MACROD2: variants seen among roughly 807,000 people sequenced by gnomAD.
MACROD2 encodes the protein mono-ADP ribosylhydrolase 2.
Under a neutral mutation model 70.4 loss-of-function variants are expected in MACROD2, and 36 were observed. That is an observed-to-expected ratio of 0.51 (90% CI 0.39 to 0.68). MACROD2 has a LOEUF of 0.68. Among genes scored for constraint, MACROD2 ranks in the 30% least tolerant of loss-of-function variants. The pLI is 0.00. For missense variants in MACROD2, 496 were observed against 538.4 expected, an observed-to-expected ratio of 0.92 and a Z score of 0.78; for synonymous variants, 172 against 178.8, an observed-to-expected ratio of 0.96 and a Z score of 0.30.
intron 4 of MACROD2, among the ~76,000 whole-genome samples, chr20:14,645,759 G>T (rs975441848): frequency 6.6e-6 from 1 of 151,876 alleles, no homozygotes; most frequent in African/African-American, 2.4e-5. Context: ...AAAGTACGTG[G>T]TGCTCAAGAT....
intron 15 of MACROD2, among the ~76,000 whole-genome samples, chr20:16,016,079 G>T (rs1219003243): frequency 6.6e-6 from 1 of 152,040 alleles, no homozygotes. Flanking sequence ...ATCCAATCAG[G>T]ACTAAAAATA....
In MACROD2 at chr20:14,518,273, A is replaced by G. The variant is rs533827579; in HGVS notation, c.301+24765A>G. ...CTGACTTTTTTATATGTATATTTGA[A>G]TCCAGCTACTGTATTTAATTATCTA... is the stretch of plus-strand genomic sequence containing the variant. On this transcript the variant is annotated intron_variant, in intron 4 of 17. Coordinates refer to ENST00000684519, the MANE Select transcript of MACROD2 (RefSeq NM_001351661.2). Among the ~76,000 whole-genome samples, 5 of 152,102 alleles carry G rather than the reference A, an allele frequency of 3.3e-5. No homozygotes were observed. In the East Asian group the frequency reaches 9.7e-4, roughly 29 times the overall value.
chr20:13,996,364 G>C (rs920746009), intron 1 of MACROD2: 6 of 160,920 alleles, frequency 3.7e-5, no homozygotes, highest in African/African-American at 1.2e-4. Flanking sequence ...CTTCGCTGCC[G>C]CAGCGTGACT....
intron 8 of MACROD2, among the ~76,000 whole-genome samples, chr20:15,563,177 A>G (rs2048267585): frequency 6.6e-6 from 1 of 152,276 alleles, no homozygotes; most frequent in South Asian, 2.1e-4. Flanking sequence ...GGTAACAAAG[A>G]ACTAGAAAGA....
intron 5 of MACROD2, among the ~76,000 whole-genome samples, chr20:15,221,267 A>T (rs1198896219): frequency 6.6e-6 from 1 of 152,082 alleles, no homozygotes; most frequent in African/African-American, 2.4e-5. Flanking sequence ...AAACAGTCAT[A>T]TTGTCTATTT....
At chr20:14,138,763 CCACACACACACACACACACA>C (rs11469437) in intron 3 of MACROD2, among the ~76,000 whole-genome samples, 1 of 147,034 alleles carries the variant, frequency 6.8e-6, no homozygotes, top group African/African-American at 2.5e-5. Flanking sequence ...CTTAAGTTTT[CCACACACACACACACACACA>C]CACACACACA....
chr20:15,407,794 A>G (rs764828275), intron 6 of MACROD2, among the ~76,000 whole-genome samples: 11 of 152,240 alleles, frequency 7.2e-5, no homozygotes, highest in Non-Finnish European at 1.2e-4. Flanking sequence ...TAAGTGCTCA[A>G]TAAGGTCAGG....
chr20:14,836,258 C>T (rs956684558), intron 5 of MACROD2, among the ~76,000 whole-genome samples: 3 of 152,084 alleles, frequency 2.0e-5, no homozygotes, highest in Non-Finnish European at 4.4e-5. Flanking sequence ...CCAAGAGAGA[C>T]TAATGTATGC....
chr20:15,405,404 CTG>C (rs2045986853), intron 6 of MACROD2, among the ~76,000 whole-genome samples: 1 of 152,190 alleles, frequency 6.6e-6, no homozygotes, highest in Admixed American at 6.5e-5. Flanking sequence ...ATAACTCATA[CTG>C]CGCAGAGGGG....
chr20:14,206,491 A>C (rs2148751567), intron 3 of MACROD2, among the ~76,000 whole-genome samples: 1 of 152,330 alleles, frequency 6.6e-6, no homozygotes, highest in South Asian at 2.1e-4. Flanking sequence ...CTAAGTGCTC[A>C]AAAAACAGTC....
At chr20:14,935,481 C>A (rs1406638484) in intron 5 of MACROD2, 1 of 152,016 alleles carries the variant, frequency 6.6e-6, no homozygotes, top group African/African-American at 2.4e-5. Context: ...CCCAGGCAAC[C>A]CTAATGTAGC....
rs540634964 is a variant in MACROD2 at position 15,104,403 on chromosome 20, G to A, written c.419-125537G>A. 8.5e-5 allele frequency among the ~76,000 whole-genome samples: 13 copies of A among 152,224 alleles called. 1 individual carries two copies. The highest frequency in any genetic ancestry group is 4.1e-4 in the South Asian group (2 of 4,828). ...GGTCCTGTTTTCAGGACTTCCAGCC[G>A]TGAGGTAGAAAGTGCTTTAACGTAT... On this transcript the variant is annotated intron_variant, in intron 5 of 17. Transcript: ENST00000684519.
chr20:15,388,882 G>A (rs1442184121), intron 6 of MACROD2, among the ~76,000 whole-genome samples: 2 of 152,114 alleles, frequency 1.3e-5, no homozygotes, highest in Non-Finnish European at 2.9e-5. Context: ...GAGGAAAACT[G>A]GTATCCAAGG....
chr20:15,081,471 A>C (rs933530981), intron 5 of MACROD2, among the ~76,000 whole-genome samples: 4 of 152,142 alleles, frequency 2.6e-5, no homozygotes. Flanking sequence ...TGAATTCAGA[A>C]CTCAGTCTTG....
intron 3 of MACROD2, among the ~76,000 whole-genome samples, chr20:14,173,776 G>A (rs1038618118): frequency 6.6e-6 from 1 of 152,076 alleles, no homozygotes; most frequent in Non-Finnish European, 1.5e-5. Flanking sequence ...AGGGCTCAAG[G>A]GCTGCTGTTC....
chr20:15,316,475 G>C (rs1600233404), intron 6 of MACROD2, among the ~76,000 whole-genome samples: 1 of 152,014 alleles, frequency 6.6e-6, no homozygotes, highest in African/African-American at 2.4e-5. Flanking sequence ...ATTAATAAAA[G>C]AGTCTATTCT....
At chr20:15,069,595 G>C (rs2075603361) in intron 5 of MACROD2, among the ~76,000 whole-genome samples, 1 of 152,206 alleles carries the variant, frequency 6.6e-6, no homozygotes, top group Non-Finnish European at 1.5e-5. Context: ...CTGCTCCCTG[G>C]ATCCACGCTA....
At chr20:15,576,063 C>A (rs897477112) in intron 8 of MACROD2, among the ~76,000 whole-genome samples, 5 of 152,124 alleles carry the variant, frequency 3.3e-5, no homozygotes, top group African/African-American at 1.2e-4. Flanking sequence ...GAGTAACAAC[C>A]ATGAGGTTTA....
rs201257094 is a variant in MACROD2, at chr20:14,157,553, A to G, written c.271+71825A>G. Among the ~76,000 whole-genome samples the G allele has an allele frequency of 2.6e-5, 4 of 151,830 alleles. No individual in the cohort carries two copies. The East Asian group carries it at 7.7e-4, about 29-fold the overall frequency. On this transcript the variant is annotated intron_variant, in intron 3 of 17. Transcript: ENST00000684519. ...CCAACCTCTCTTCATCCCCCCTCCC[A>G]CCCACACATCCTTCTCATCCTCTGG...
Sources: gnomAD v4.1 joint callset for allele counts (sites outside exome capture counted in the v4.1 genomes callset) on GRCh38, gnomAD v4.1.1 for gene constraint, MANE v1.5 for transcripts, NCBI Gene and HGNC (gene_info 2026-07-23, HGNC 2026-07-21) for gene names.